ZNF583: variants seen among roughly 807,000 people sequenced by gnomAD.
The protein encoded by ZNF583 is zinc finger protein L3-5.
A neutral mutation model predicts 55.3 loss-of-function variants in ZNF583; 30 were observed. The ratio of observed to expected loss-of-function variants is 0.54; its 90% CI spans 0.41 to 0.74. ZNF583 has a LOEUF of 0.74. Ranked by LOEUF, ZNF583 falls within the 30% of genes least tolerant of loss-of-function variation. The pLI, the probability that ZNF583 is intolerant of heterozygous loss-of-function variation, is 0.00. For synonymous variants in ZNF583, 208 were observed against 220.0 expected (o/e 0.95, Z 0.48); for missense variants, 504 against 664.7 (o/e 0.76, Z 2.66).
At chr19:56,408,855 G>A (rs186872637) in intron 2 of ZNF583, among the ~76,000 whole-genome samples, 336 of 152,236 alleles carry the variant, frequency 2.2e-3, no homozygotes, top group African/African-American at 6.7e-3. Flanking sequence ...TGTGCTTCAG[G>A]TCCTGGCTTT....
At chr19:56,422,797 T>C (rs1211334925) in intron 4 of ZNF583, 94 bp from the exon 5 acceptor site, 1 of 887,972 alleles carries the variant, frequency 1.1e-6, no homozygotes, top group African/African-American at 1.7e-5. Flanking sequence ...TTTTAAATCC[T>C]TTAACTTGTG....
intron 4 of ZNF583, among the ~76,000 whole-genome samples, chr19:56,419,446 G>A (rs1006268343): frequency 4.1e-4 from 63 of 151,918 alleles, no homozygotes; most frequent in African/African-American, 1.4e-3. Flanking sequence ...CACCTGCCTC[G>A]GCCTCCCAAA....
At chr19:56,415,346 A>G (rs2042303818) in intron 4 of ZNF583, among the ~76,000 whole-genome samples, 1 of 152,142 alleles carries the variant, frequency 6.6e-6, no homozygotes, top group South Asian at 2.1e-4. Context: ...GGTTATATAT[A>G]TAAGATGAGG....
intron 2 of ZNF583, among the ~76,000 whole-genome samples, chr19:56,412,493 T>C (rs996196031): frequency 6.6e-6 from 1 of 152,244 alleles, no homozygotes; most frequent in African/African-American, 2.4e-5. Context: ...ATTGTGTATG[T>C]TTCTCTAGTG....
chr19:56,421,300 T>A (rs202082597), intron 4 of ZNF583: 1 of 57,252 alleles, frequency 1.7e-5, no homozygotes, highest in Non-Finnish European at 2.9e-5. Flanking sequence ...ATTAGTGTTT[T>A]TACTTCCTTA....
Position 56,427,232 on chromosome 19 carries a change from C to G in ZNF583, c.*2864C>G, listed in dbSNP as rs2042498314. On this transcript the variant is annotated 3_prime_UTR_variant, in exon 5 of 5. Coordinates refer to ENST00000333201, the MANE Select transcript of ZNF583 (RefSeq NM_152478.3). ...GCCAAAAGCCTCCTCACTCTCCCCT[C>G]TCTTGTATAAGTAAATTGAATGGGA... 1 of 152,086 alleles carries G rather than the reference C, an allele frequency of 6.6e-6. No individual in the cohort carries two copies. Among genetic ancestry groups the G allele is most frequent in the Non-Finnish European group, 1.5e-5 (1 of 68,036 alleles). 9.4% of individuals were successfully genotyped at this position (152,086 alleles called of 1,614,324 possible).
At chr19:56,411,179 G>A (rs2042232661) in intron 2 of ZNF583, among the ~76,000 whole-genome samples, 1 of 151,742 alleles carries the variant, frequency 6.6e-6, no homozygotes, top group South Asian at 2.1e-4. Flanking sequence ...GGTCCCAGCT[G>A]CTTGAGAGGC....
At chr19:56,418,706 C>T (rs999185561) in intron 4 of ZNF583, among the ~76,000 whole-genome samples, 5 of 146,122 alleles carry the variant, frequency 3.4e-5, no homozygotes, top group African/African-American at 1.3e-4. Flanking sequence ...ATGCTATCTA[C>T]AAATACAGTT....
At chr19:56,413,081 C>G (rs541690168) in intron 2 of ZNF583, among the ~76,000 whole-genome samples, 1 of 152,246 alleles carries the variant, frequency 6.6e-6, no homozygotes, top group South Asian at 2.1e-4. Context: ...GTCATCTAAA[C>G]CATATGCCTT....
chr19:56,415,279 A>G (rs2042302483), intron 4 of ZNF583, among the ~76,000 whole-genome samples: 1 of 152,152 alleles, frequency 6.6e-6, no homozygotes, highest in Admixed American at 6.5e-5. Flanking sequence ...AATAGAAACA[A>G]TCAGAAGCAA....
At chr19:56,407,467 A>T (rs1384386905) in intron 2 of ZNF583, among the ~76,000 whole-genome samples, 1 of 152,252 alleles carries the variant, frequency 6.6e-6, no homozygotes, top group African/African-American at 2.4e-5. Flanking sequence ...AACCACTAGC[A>T]TAAATAAAGC....
chr19:56,411,184 A>T (rs1369701030), intron 2 of ZNF583, among the ~76,000 whole-genome samples: 1 of 151,690 alleles, frequency 6.6e-6, no homozygotes, highest in Non-Finnish European at 1.5e-5. Context: ...CAGCTGCTTG[A>T]GAGGCTGAGG....
In ZNF583 at chr19:56,423,116, T is replaced by G; in HGVS notation, c.458T>G (p.Val153Gly). The G allele has an allele frequency of 1.9e-6, 3 of 1,611,728 alleles. No individual in the cohort carries two copies. Among genetic ancestry groups the G allele is most frequent in the Non-Finnish European group, 2.5e-6 (3 of 1,179,424 alleles). ...IITHKEILPE[V>G]QNKEYNKSWQ... ...ACTCATAAAGAAATCCTTCCAGAAG[T>G]TCAAAATAAAGAATATAACAAATCT... Residue 153 changes from valine to glycine, a missense_variant, in exon 5 of 5, where the codon GTT becomes GGT. Val to Gly is a moderately radical substitution (Grantham distance 109, BLOSUM62 -3). Coordinates refer to ENST00000333201, the MANE Select transcript of ZNF583 (RefSeq NM_152478.3).
chr19:56,424,425 C>A lies in ZNF583; in HGVS notation c.*57C>A. On this transcript the variant is annotated 3_prime_UTR_variant, in exon 5 of 5. Coordinates refer to ENST00000333201, the MANE Select transcript of ZNF583 (RefSeq NM_152478.3). Reference sequence around the variant, plus strand: ...TCCATCCCATCATCCTTGTCCAATGCACATTAATATATTTGACATGGGATA... The same window carrying A: ...TCCATCCCATCATCCTTGTCCAATGAACATTAATATATTTGACATGGGATA... 2.7e-6 allele frequency: 2 copies of A among 737,318 alleles called. No individual in the cohort carries two copies. Among genetic ancestry groups the A allele is most frequent in the Non-Finnish European group, 4.6e-6 (2 of 432,928 alleles). 45.7% of individuals were successfully genotyped at this position (737,318 alleles called of 1,614,324 possible).
intron 4 of ZNF583, chr19:56,421,323 C>T: frequency 1.3e-5 from 2 of 156,428 alleles, no homozygotes; most frequent in Non-Finnish European, 1.9e-5. Flanking sequence ...ATAGTTTTAT[C>T]AACTTAATTC....
At position 56,411,420 on chromosome 19, in the gene ZNF583, A is replaced by G. The variant is rs550030050; in HGVS notation, c.10-2539A>G. Among the ~76,000 whole-genome samples, 30 of 152,384 alleles carry G rather than the reference A, an allele frequency of 2.0e-4. 2 individuals are homozygous for G. In the South Asian group the frequency reaches 6.0e-3, roughly 30 times the overall value. On this transcript the variant is annotated intron_variant, in intron 2 of 4. Transcript: ENST00000333201. ...AATCAAAGTAAATATAAAAAAATGTACAAGGTATTCATGGTCTCATTGGCT... is the reference window on the plus strand; with the variant it reads ...AATCAAAGTAAATATAAAAAAATGTGCAAGGTATTCATGGTCTCATTGGCT...
At chr19:56,406,969 T>C in intron 1 of ZNF583, 57 bp from the exon 2 acceptor site, 1 of 771,268 alleles carries the variant, frequency 1.3e-6, no homozygotes, top group Non-Finnish European at 2.1e-6. Context: ...TCTAGGCTGA[T>C]GATACTGAGA....
intron 4 of ZNF583, among the ~76,000 whole-genome samples, chr19:56,419,002 A>T (rs1214593748): frequency 1.3e-5 from 2 of 151,730 alleles, no homozygotes; most frequent in African/African-American, 4.9e-5. Context: ...TGATCATGTG[A>T]TTTTTTTTCT....
intron 4 of ZNF583, chr19:56,421,538 C>T: frequency 1.0e-6 from 1 of 978,706 alleles, no homozygotes; most frequent in Non-Finnish European, 1.2e-6. Context: ...ATGTTGCCTT[C>T]AGATTCTTTT....
Sources: allele counts gnomAD v4.1 joint callset (sites outside exome capture counted in the v4.1 genomes callset), GRCh38; gene constraint gnomAD v4.1.1; transcripts MANE v1.5; gene names NCBI Gene and HGNC (gene_info 2026-07-23, HGNC 2026-07-21).